CERCAM: variants seen among roughly 807,000 people sequenced by gnomAD.
CERCAM encodes the protein cerebral endothelial cell adhesion molecule, also known as inactive glycosyltransferase 25 family member 3.
Under a neutral mutation model 66.0 loss-of-function variants are expected in CERCAM, and 59 were observed. The observed-to-expected ratio is 0.89, with a 90% CI of 0.73 to 1.11. The LOEUF is 1.11. CERCAM is among the 50% of genes most tolerant of loss of function. CERCAM has a pLI of 0.00. For synonymous variants in CERCAM, 318 were observed against 343.6 expected (o/e 0.93, Z 0.83); for missense variants, 840 against 828.3 (o/e 1.01, Z -0.17).
chr9:128,424,073 CAG>C, intron 3 of CERCAM, 63 bp from the exon 4 acceptor site: 1 of 1,566,942 alleles, frequency 6.4e-7, no homozygotes, highest in Non-Finnish European at 8.7e-7. Context: ...CAGGACCACT[CAG>C]TGAACTCCTT....
chr9:128,435,517 G>A, intron 11 of CERCAM, 136 bp from the exon 12 acceptor site: 2 of 893,004 alleles, frequency 2.2e-6, no homozygotes, highest in Non-Finnish European at 3.4e-6. Flanking sequence ...AAGTCCCACT[G>A]CTCAGGGCCG....
rs1833782465 is a variant in CERCAM, at chr9:128,424,231, C to T, written c.520C>T (p.Gln174Ter). Residue 174 changes from glutamine to a stop codon, truncating the protein, a stop_gained, in exon 4 of 13, where the codon CAG (glutamine) becomes TAG (stop). Transcript: ENST00000372838. LOFTEE classifies it high-confidence loss of function. ...LPVVAPMLDS[Q>*]TYYSNFWCGI... ...AGTGGTGGCCCCAATGCTGGACTCC[C>T]AGACCTACTACTCCAACTTCTGGTG... 1 of 1,614,058 alleles carries T rather than the reference C, an allele frequency of 6.2e-7. No individual in the cohort carries two copies. Among genetic ancestry groups the T allele is most frequent in the East Asian group, 2.2e-5 (1 of 44,894 alleles).
At chr9:128,423,686 G>C (rs1833768589) in intron 3 of CERCAM, among the ~76,000 whole-genome samples, 1 of 151,918 alleles carries the variant, frequency 6.6e-6, no homozygotes, top group South Asian at 2.1e-4. Flanking sequence ...TCCTTCGGCA[G>C]GCTATCTGGG....
rs1215561659 is a variant in CERCAM at position 128,423,166 on chromosome 9, G to T, written c.329G>T (p.Gly110Val). The change falls in exon 3 of 13, where the codon GGT (glycine) becomes GTT (valine). Residue 110 changes from glycine (G) to valine (V), a missense_variant. Coordinates refer to ENST00000372838, the MANE Select transcript of CERCAM (RefSeq NM_016174.5). ...GEPRFYPDEE[G>V]PKHWTKERHQ... ...CTCAGGTTCTACCCAGATGAAGAGG[G>T]TCCCAAGCACTGGACCAAAGAAAGG... is the stretch of plus-strand genomic sequence containing the variant. The T allele has an allele frequency of 1.9e-6, 3 of 1,613,992 alleles. No individual in the cohort carries two copies. The African/African-American group carries it at 4.0e-5, about 22-fold the overall frequency.
At chr9:128,424,331 G>T in intron 4 of CERCAM, 59 bp downstream of exon 4, 4 of 1,612,214 alleles carry the variant, frequency 2.5e-6, no homozygotes, top group Non-Finnish European at 3.4e-6. Context: ...GACGTGGAGA[G>T]CAGAGAGCCT....
chr9:128,434,305 G>A lies in CERCAM; in HGVS notation c.1331+76G>A. 6.2e-7 allele frequency: 1 copy of A among 1,604,282 alleles called. No homozygotes were observed. Among genetic ancestry groups the A allele is most frequent in the East Asian group, 2.2e-5 (1 of 44,738 alleles). On this transcript the variant is annotated intron_variant, in intron 10 of 12. Transcript: ENST00000372838. The surrounding 1 kb of genome is among the most constrained non-coding windows in gnomAD (Gnocchi z 4.5). ...TCTGCCTTTTCCTGCTTGGGACCCT[G>A]GCCGGCCCATCCCCTGAGAGCCTGG...
intron 1 of CERCAM, chr9:128,421,526 C>T: frequency 6.1e-6 from 6 of 987,518 alleles, no homozygotes; most frequent in Non-Finnish European, 7.2e-6. Flanking sequence ...GGGGTGCCAT[C>T]AGCACTGGGC....
chr9:128,432,022 TTTTTG>T (rs1440401415), intron 9 of CERCAM: 3 of 152,342 alleles, frequency 2.0e-5, no homozygotes, highest in Non-Finnish European at 4.4e-5. Context: ...GCATTATGGG[TTTTTG>T]TTTTGTTTTG....
chr9:128,431,917 C>T (rs1833985174), intron 9 of CERCAM: 1 of 152,736 alleles, frequency 6.5e-6, no homozygotes, highest in African/African-American at 2.4e-5. Context: ...AGAATGGGAA[C>T]TGGGCCCTCC....
Position 128,424,269 on chromosome 9 carries a change from C to A in CERCAM, c.558C>A (p.Pro186=). ...YYSNFWCGIT[P]QGYYRRTAEY... ...CCAACTTCTGGTGTGGGATCACCCC[C>A]CAGGTGAGGCCGGGATGGGGGCCTT... Residue 186 remains proline (P), a synonymous_variant, in exon 4 of 13, where the codon CCC becomes CCA. Coordinates refer to ENST00000372838, the MANE Select transcript of CERCAM (RefSeq NM_016174.5). 4.3e-6 allele frequency: 7 copies of A among 1,614,032 alleles called. No individual in the cohort carries two copies. Among genetic ancestry groups the A allele is most frequent in the Non-Finnish European group, 5.9e-6 (7 of 1,179,966 alleles).
chr9:128,435,649 A>G lies in CERCAM; in HGVS notation c.1536-4A>G, dbSNP rs1160081001. On this transcript the variant is annotated splice_region_variant and splice_polypyrimidine_tract_variant and intron_variant, in intron 11 of 12. Transcript: ENST00000372838. ...TCCCCCTGAGCTATCCTCTCACCTT[A>G]CAGCGAGCAGTACAAGGCACACTTC... The G allele has an allele frequency of 6.3e-7, 1 of 1,599,022 alleles. No homozygotes were observed. Among genetic ancestry groups the G allele is most frequent in the South Asian group, 1.1e-5 (1 of 89,426 alleles).
Position 128,423,191 on chromosome 9 carries a change from G to A in CERCAM, c.354G>A (p.Arg118=), listed in dbSNP as rs758715331. 5.6e-6 allele frequency: 9 copies of A among 1,613,988 alleles called. 1 individual carries two copies. The highest frequency in any genetic ancestry group is 1.1e-5 in the South Asian group (1 of 91,088). The change falls in exon 3 of 13, where the codon AGG becomes AGA. Residue 118 remains arginine (R), a synonymous_variant. Transcript: ENST00000372838. ...GTCCCAAGCACTGGACCAAAGAAAG[G>A]CACCAGTTTCTGATGGAGCTGAAGC... is the stretch of plus-strand genomic sequence containing the variant. The part of the protein sequence containing the change: ...EEGPKHWTKE[R]HQFLMELKQE...
At chr9:128,430,408 A>T (rs1036452924) in intron 8 of CERCAM, among the ~76,000 whole-genome samples, 1 of 150,928 alleles carries the variant, frequency 6.6e-6, no homozygotes, top group Non-Finnish European at 1.5e-5. Flanking sequence ...TGTCTCAAAA[A>T]AAATTTTTTT....
chr9:128,432,849 A>G (rs533848682), intron 9 of CERCAM, among the ~76,000 whole-genome samples: 1 of 142,716 alleles, frequency 7.0e-6, no homozygotes, highest in Admixed American at 6.9e-5. Context: ...CTTCCTTTAG[A>G]AAATAGCAGG....
chr9:128,429,682 T>C (rs942644791), intron 8 of CERCAM, among the ~76,000 whole-genome samples: 4 of 152,130 alleles, frequency 2.6e-5, no homozygotes, highest in African/African-American at 9.7e-5. Context: ...GCCACAAACA[T>C]GGCTCACTGC....
At chr9:128,427,879 G>A (rs1350174780) in intron 5 of CERCAM, 2 of 156,282 alleles carry the variant, frequency 1.3e-5, no homozygotes, top group Non-Finnish European at 2.8e-5. Context: ...GGAGGGGTGT[G>A]GGGAAAAGGC....
rs370335224 is a variant in CERCAM, at chr9:128,428,768, C to G, written c.898C>G (p.Arg300Gly). The G allele has an allele frequency of 1.6e-5, 26 of 1,613,786 alleles. No homozygotes were observed. Among genetic ancestry groups the G allele is most frequent in the Non-Finnish European group, 2.1e-5 (25 of 1,180,014 alleles). Reference sequence around the variant, plus strand: ...GCTTCCCTTTGCAGTGGACGGCCCCCGCATGCAGGCCTCAGCTCATGTGAC... The same window carrying G: ...GCTTCCCTTTGCAGTGGACGGCCCCGGCATGCAGGCCTCAGCTCATGTGAC... ...LILEALVDGP[R>G]MQASAHVTRP... The change falls in exon 7 of 13, where the codon CGC becomes GGC. Residue 300 changes from arginine (R) to glycine (G), a missense_variant. Transcript: ENST00000372838.
chr9:128,420,970 C>A lies in CERCAM; in HGVS notation c.93C>A (p.Pro31=). 1 of 1,467,816 alleles carries A rather than the reference C, an allele frequency of 6.8e-7. No individual in the cohort carries two copies. The highest frequency in any genetic ancestry group is 3.0e-5 in the East Asian group (1 of 33,394). 90.9% of individuals were successfully genotyped at this position (1,467,816 alleles called of 1,614,324 possible). A position where few individuals can be genotyped will look rare whatever the true frequency, so the allele number is the denominator to read the frequency against. Residue 31 remains proline, a synonymous_variant, in exon 1 of 13, where the codon CCC becomes CCA. Transcript: ENST00000372838. This position sits in a 1 kb window ranked among gnomAD's most constrained non-coding sequence, Gnocchi z 5.0. ...CGGGCGTTGCGGAGTCGCCGCTGCCCGCCGTGGTCCTTGCCATCCTGGCCC... is the reference window on the plus strand; with the variant it reads ...CGGGCGTTGCGGAGTCGCCGCTGCCAGCCGTGGTCCTTGCCATCCTGGCCC... The part of the protein sequence containing the change: ...EAAGVAESPL[P]AVVLAILARN...
chr9:128,424,301 A>G lies in CERCAM; in HGVS notation c.561+29A>G, dbSNP rs755566357. ...AGGCCGGGATGGGGGCCTTGGGTGG[A>G]CTGAGGTCCTGGAAGGAGGGACGTG... is the stretch of plus-strand genomic sequence containing the variant. On this transcript the variant is annotated intron_variant, in intron 4 of 12. Coordinates refer to ENST00000372838, the MANE Select transcript of CERCAM (RefSeq NM_016174.5). 3.7e-6 allele frequency: 6 copies of G among 1,612,938 alleles called. No homozygotes were observed. The African/African-American group carries it at 8.0e-5, about 22-fold the overall frequency.
Sources: gnomAD v4.1 joint callset for allele counts (sites outside exome capture counted in the v4.1 genomes callset) on GRCh38, gnomAD v4.1.1 for gene constraint, Gnocchi (gnomAD v3.1) non-coding constraint, MANE v1.5 for transcripts, NCBI Gene and HGNC (gene_info 2026-07-23, HGNC 2026-07-21) for gene names.